Variants in EPHA6 observed in about 807,000 individuals in gnomAD.
EPHA6 encodes the protein EPH receptor A6.
EPHA6 carries 50 observed loss-of-function variants against 112.0 expected under a neutral mutation model. The ratio of observed to expected loss-of-function variants is 0.45; its 90% CI spans 0.36 to 0.56. The LOEUF is 0.56. Among genes scored for constraint, EPHA6 ranks in the 20% least tolerant of loss-of-function variants. The pLI, the probability that EPHA6 is intolerant of heterozygous loss-of-function variation, is 0.00. For synonymous variants in EPHA6, 529 were observed against 490.7 expected (o/e 1.08, Z -1.03); for missense variants, 1,280 against 1,417.4 (o/e 0.90, Z 1.56).
intron 5 of EPHA6, among the ~76,000 whole-genome samples, chr3:97,268,270 T>G (rs2079760042): frequency 6.6e-6 from 1 of 152,192 alleles, no homozygotes. Flanking sequence ...TTGTTAGAAT[T>G]TGGCCCCATA....
At chr3:97,192,182 G>A (rs1213003119) in intron 3 of EPHA6, among the ~76,000 whole-genome samples, 1 of 152,046 alleles carries the variant, frequency 6.6e-6, no homozygotes, top group Admixed American at 6.6e-5. Context: ...TGTTGCCCAG[G>A]CTGGAGTGCA....
At chr3:97,321,413 G>GGGAGCAATAACACATATATTC (rs1478804162) in intron 5 of EPHA6, among the ~76,000 whole-genome samples, 1 of 151,884 alleles carries the variant, frequency 6.6e-6, no homozygotes, top group Non-Finnish European at 1.5e-5. Flanking sequence ...GGAAGGTGAT[G>GGGAGCAATAACACATATATTC]GGAGCAATAA....
intron 2 of EPHA6, among the ~76,000 whole-genome samples, chr3:96,964,793 T>G (rs540357111): frequency 1.3e-5 from 2 of 152,332 alleles, no homozygotes; most frequent in South Asian, 4.1e-4. Context: ...GTGCACATTG[T>G]AGAGTATATG....
chr3:96,934,951 G>C (rs932218134), intron 2 of EPHA6, among the ~76,000 whole-genome samples: 1 of 151,570 alleles, frequency 6.6e-6, no homozygotes, highest in Non-Finnish European at 1.5e-5. Context: ...ACATCATAAA[G>C]AAATGGGGAT....
chr3:96,992,278 C>T (rs1459682503), intron 3 of EPHA6, among the ~76,000 whole-genome samples: 1 of 152,186 alleles, frequency 6.6e-6, no homozygotes, highest in African/African-American at 2.4e-5. Context: ...CCAGCCTCTA[C>T]TCACAATCTC....
chr3:97,666,558 G>A (rs915687412), intron 14 of EPHA6, among the ~76,000 whole-genome samples: 2 of 152,110 alleles, frequency 1.3e-5, no homozygotes, highest in Admixed American at 6.6e-5. Context: ...ATGTGTGTGT[G>A]CTTTTATATG....
At chr3:97,362,684 C>G (rs935256580) in intron 5 of EPHA6, among the ~76,000 whole-genome samples, 1 of 151,438 alleles carries the variant, frequency 6.6e-6, no homozygotes, top group African/African-American at 2.4e-5. Context: ...CAATAAGTAC[C>G]CTGTGGGTTA....
chr3:97,407,304 C>A (rs753033047), intron 6 of EPHA6, among the ~76,000 whole-genome samples: 8 of 151,598 alleles, frequency 5.3e-5, no homozygotes, highest in Non-Finnish European at 1.0e-4. Flanking sequence ...GTTATCCTAT[C>A]CCTCTGATAA....
At chr3:97,451,774 T>G (rs1050974490) in intron 7 of EPHA6, among the ~76,000 whole-genome samples, 1 of 151,884 alleles carries the variant, frequency 6.6e-6, no homozygotes, top group African/African-American at 2.4e-5. Flanking sequence ...CGTACCCTCC[T>G]GGCTCTTCTT....
intron 1 of EPHA6, among the ~76,000 whole-genome samples, chr3:96,856,077 A>G (rs2035679469): frequency 6.6e-6 from 1 of 150,910 alleles, no homozygotes; most frequent in Admixed American, 6.6e-5. Flanking sequence ...CATCTCTAGA[A>G]AAAAGTGCAA....
Position 97,475,345 on chromosome 3 carries a change from G to A in EPHA6, c.1895-7G>A, listed in dbSNP as rs371794329. ...AGGGAAATTTTAATATTGTATCTCT[G>A]TTTCAGCTTCTGACATGGCAGCAGA... On this transcript the variant is annotated splice_polypyrimidine_tract_variant and splice_region_variant and intron_variant, in intron 7 of 17. Coordinates refer to ENST00000389672, the MANE Select transcript of EPHA6 (RefSeq NM_001080448.3). 24 of 1,604,592 alleles carry A rather than the reference G, an allele frequency of 1.5e-5. No homozygotes were observed. In the African/African-American group the frequency reaches 2.9e-4, roughly 20 times the overall value.
chr3:97,109,378 A>C (rs372831493), intron 3 of EPHA6, among the ~76,000 whole-genome samples: 50 of 152,266 alleles, frequency 3.3e-4, no homozygotes, highest in African/African-American at 1.2e-3. Flanking sequence ...TTGTTATGAA[A>C]CACAACTGTC....
At chr3:97,487,038 G>A (rs2091715653) in intron 10 of EPHA6, among the ~76,000 whole-genome samples, 1 of 152,134 alleles carries the variant, frequency 6.6e-6, no homozygotes, top group South Asian at 2.1e-4. Context: ...GACTTAAGTG[G>A]TAGTCTAGAT....
chr3:96,860,247 G>A (rs540820935), intron 1 of EPHA6, among the ~76,000 whole-genome samples: 27 of 152,132 alleles, frequency 1.8e-4, no homozygotes, highest in South Asian at 1.0e-3. Flanking sequence ...AAACAAAACT[G>A]CAGGAAGAAA....
chr3:96,849,335 A>G (rs1237030547), intron 1 of EPHA6, among the ~76,000 whole-genome samples: 1 of 152,128 alleles, frequency 6.6e-6, no homozygotes, highest in Non-Finnish European at 1.5e-5. Context: ...GGGCAGTAAG[A>G]TGGGACTCTT....
chr3:97,253,414 T>A (rs954855844), intron 5 of EPHA6, among the ~76,000 whole-genome samples: 2 of 152,192 alleles, frequency 1.3e-5, no homozygotes, highest in South Asian at 2.1e-4. Flanking sequence ...TTCTAATAGG[T>A]CTAAGGGTGG....
At chr3:97,642,154 T>G (rs2094013324) in intron 14 of EPHA6, among the ~76,000 whole-genome samples, 1 of 121,820 alleles carries the variant, frequency 8.2e-6, no homozygotes, top group South Asian at 3.0e-4. Flanking sequence ...GCAGCCTAAC[T>G]GGGAGGCACC....
At chr3:97,631,348 C>T (rs1481004523) in intron 13 of EPHA6, among the ~76,000 whole-genome samples, 1 of 151,882 alleles carries the variant, frequency 6.6e-6, no homozygotes, top group Non-Finnish European at 1.5e-5. Context: ...GAACGAGAGG[C>T]TTGAAGTGTC....
intron 5 of EPHA6, among the ~76,000 whole-genome samples, chr3:97,321,555 AC>A (rs1279541844): frequency 1.3e-5 from 2 of 151,800 alleles, no homozygotes. Context: ...CTTTCCCCCT[AC>A]CCTTACTACC....
Sources: allele counts gnomAD v4.1 joint callset (sites outside exome capture counted in the v4.1 genomes callset), GRCh38; gene constraint gnomAD v4.1.1; transcripts MANE v1.5; gene names NCBI Gene and HGNC (gene_info 2026-07-23, HGNC 2026-07-21).